Variants in UVRAG observed in about 807,000 individuals in gnomAD.
UVRAG encodes UV radiation resistance associated, also known as UV radiation resistance-associated gene protein.
A neutral mutation model predicts 78.0 loss-of-function variants in UVRAG; 19 were observed. The observed-to-expected ratio is 0.24, with a 90% CI of 0.17 to 0.36. The LOEUF (loss-of-function observed/expected upper bound fraction) is 0.36. UVRAG is among the 10% of genes least tolerant of loss of function. The pLI is 1.00. For missense variants in UVRAG, 740 were observed against 853.8 expected, an observed-to-expected ratio of 0.87 and a Z score of 1.66; for synonymous variants, 323 against 324.6, an observed-to-expected ratio of 1.00 and a Z score of 0.05.
intron 3 of UVRAG, among the ~76,000 whole-genome samples, chr11:75,870,873 T>G (rs548201346): frequency 1.4e-4 from 21 of 152,078 alleles, no homozygotes; most frequent in Non-Finnish European, 2.2e-4. Context: ...TTGCTTTATT[T>G]TATTTTTTTT....
intron 1 of UVRAG, among the ~76,000 whole-genome samples, chr11:75,840,102 C>T (rs1945878554): frequency 6.6e-6 from 1 of 152,026 alleles, no homozygotes; most frequent in South Asian, 2.1e-4. Context: ...GTAGGTCATC[C>T]TGGGTAACTG....
intron 12 of UVRAG, among the ~76,000 whole-genome samples, chr11:76,026,975 A>G (rs1262700723): frequency 2.6e-5 from 4 of 152,110 alleles, no homozygotes; most frequent in African/African-American, 9.7e-5. Context: ...CAAGGTGAAA[A>G]AAAAAAAGTC....
chr11:76,120,388 T>C (rs1416985620), intron 14 of UVRAG, among the ~76,000 whole-genome samples: 2 of 151,746 alleles, frequency 1.3e-5, no homozygotes, highest in Non-Finnish European at 2.9e-5. Context: ...TATTTACATA[T>C]AAATGCTTCC....
chr11:76,117,543 A>G (rs1276537404), intron 14 of UVRAG, among the ~76,000 whole-genome samples: 1 of 152,254 alleles, frequency 6.6e-6, no homozygotes, highest in Non-Finnish European at 1.5e-5. Flanking sequence ...AATGAAATAA[A>G]AATCAAAATG....
rs150605502 is a variant in UVRAG, at chr11:76,135,305, AGAG to A, written c.1398-5405_1398-5403del. Among the ~76,000 whole-genome samples the A allele has an allele frequency of 1.4e-3, 215 of 152,288 alleles. 1 individual carries two copies. In the East Asian group the frequency reaches 0.036, roughly 26 times the overall value. On this transcript the variant is annotated intron_variant, in intron 14 of 14. Transcript: ENST00000356136. ...TTGTCGCCACTGTCTCTAGAGCTGA[AGAG>A]ATAAGAAAAGATAGTTGATTGCAAT...
intron 12 of UVRAG, among the ~76,000 whole-genome samples, chr11:76,065,479 T>C (rs1285596465): frequency 3.9e-5 from 6 of 152,354 alleles, no homozygotes; most frequent in South Asian, 2.1e-4. Context: ...TTCTTAAACA[T>C]TAGTTCCTTG....
At chr11:75,938,537 T>G (rs983421515) in intron 6 of UVRAG, among the ~76,000 whole-genome samples, 6 of 152,206 alleles carry the variant, frequency 3.9e-5, no homozygotes, top group African/African-American at 1.4e-4. Flanking sequence ...GCTTTTACGC[T>G]TCCTCAGCCT....
At chr11:76,101,048 T>C (rs1343686466) in intron 13 of UVRAG, among the ~76,000 whole-genome samples, 2 of 152,214 alleles carry the variant, frequency 1.3e-5, no homozygotes, top group African/African-American at 4.8e-5. Context: ...ATTGCAGTTA[T>C]GAACAGTGCT....
intron 6 of UVRAG, among the ~76,000 whole-genome samples, chr11:75,921,024 A>G (rs1947969777): frequency 6.6e-6 from 1 of 152,202 alleles, no homozygotes; most frequent in Admixed American, 6.5e-5. Flanking sequence ...CAGTATGCAC[A>G]TTACTGAAGG....
At chr11:75,912,182 T>C (rs1334622540) in intron 6 of UVRAG, 143 bp downstream of exon 6, 5 of 626,514 alleles carry the variant, frequency 8.0e-6, no homozygotes. Context: ...TCATAAATTT[T>C]GTAGCTACAG....
Position 75,932,860 on chromosome 11 carries a change from A to G in UVRAG, c.593+20821A>G, listed in dbSNP as rs115012481. On this transcript the variant is annotated intron_variant, in intron 6 of 14. Coordinates refer to ENST00000356136, the MANE Select transcript of UVRAG (RefSeq NM_003369.4). ...TAATACAAGAAATTGAAGCAGACAC[A>G]CAAAAATGGAAAGATATTCCATGTT... is the stretch of plus-strand genomic sequence containing the variant. 5.0e-3 allele frequency among the ~76,000 whole-genome samples: 760 copies of G among 152,360 alleles called. 7 individuals are homozygous for G. The highest frequency in any genetic ancestry group is 0.017 in the African/African-American group (716 of 41,578).
chr11:75,834,550 C>T (rs1945737907), intron 1 of UVRAG, among the ~76,000 whole-genome samples: 1 of 152,198 alleles, frequency 6.6e-6, no homozygotes, highest in Non-Finnish European at 1.5e-5. Context: ...CGCAGTGGCT[C>T]ACACCTGCAA....
intron 14 of UVRAG, among the ~76,000 whole-genome samples, chr11:76,138,849 G>A (rs1368516073): frequency 6.6e-6 from 1 of 152,212 alleles, no homozygotes; most frequent in African/African-American, 2.4e-5. Flanking sequence ...TTTGGTTTGA[G>A]TACCTAGTCA....
At chr11:75,909,208 G>T (rs760965342) in intron 5 of UVRAG, among the ~76,000 whole-genome samples, 2 of 152,062 alleles carry the variant, frequency 1.3e-5, no homozygotes, top group African/African-American at 4.8e-5. Context: ...TTAGCTGGGC[G>T]TGGTGGTGCA....
At chr11:75,909,868 T>G (rs572667657) in intron 5 of UVRAG, among the ~76,000 whole-genome samples, 62 of 152,352 alleles carry the variant, frequency 4.1e-4, no homozygotes, top group African/African-American at 1.5e-3. Flanking sequence ...TTTGTGTGTG[T>G]GTGTTGTCTC....
intron 1 of UVRAG, among the ~76,000 whole-genome samples, chr11:75,837,326 CAAAA>C (rs753820781): frequency 4.7e-5 from 3 of 64,456 alleles, no homozygotes; most frequent in Non-Finnish European, 6.9e-5. Context: ...GACTCTGTCT[CAAAA>C]AAAAAAAAAA....
chr11:75,922,108 T>G (rs1947992830), intron 6 of UVRAG, among the ~76,000 whole-genome samples: 1 of 152,154 alleles, frequency 6.6e-6, no homozygotes, highest in Non-Finnish European at 1.5e-5. Context: ...TTAATCGAAA[T>G]TTTTATATCA....
At chr11:76,087,163 C>T (rs990441646) in intron 13 of UVRAG, among the ~76,000 whole-genome samples, 1 of 152,148 alleles carries the variant, frequency 6.6e-6, no homozygotes, top group Non-Finnish European at 1.5e-5. Flanking sequence ...TCTACATGCG[C>T]ACACACATAC....
chr11:76,084,540 T>G (rs1333133884), intron 13 of UVRAG, among the ~76,000 whole-genome samples: 1 of 152,214 alleles, frequency 6.6e-6, no homozygotes, highest in African/African-American at 2.4e-5. Flanking sequence ...TTTTATATAC[T>G]TTTTCCAATA....
Sources: allele counts gnomAD v4.1 joint callset (sites outside exome capture counted in the v4.1 genomes callset), GRCh38; gene constraint gnomAD v4.1.1; transcripts MANE v1.5; gene names NCBI Gene and HGNC (gene_info 2026-07-23, HGNC 2026-07-21).